TBX22: variants seen among roughly 807,000 people sequenced by gnomAD.
The protein encoded by TBX22 is T-box transcription factor 22.
In TBX22, 8 loss-of-function variants were observed where a neutral mutation model predicts 30.1. The ratio of observed to expected loss-of-function variants is 0.27; its 90% CI spans 0.16 to 0.48. The LOEUF (loss-of-function observed/expected upper bound fraction) is 0.48, where lower values mean the gene tolerates loss of function less well. TBX22 is among the 20% of genes least tolerant of loss of function. The pLI, the probability that TBX22 is intolerant of heterozygous loss-of-function variation, is 0.99. For missense variants in TBX22, 463 were observed against 400.5 expected, an observed-to-expected ratio of 1.16 and a Z score of -1.33; for synonymous variants, 173 against 149.1, an observed-to-expected ratio of 1.16 and a Z score of -1.17.
In TBX22 at chrX:80,025,681, C is replaced by T. The variant is rs755560775; in HGVS notation, c.537C>T (p.His179=). 3 of 1,206,767 alleles carry T rather than the reference C, an allele frequency of 2.5e-6. No individual in the cohort carries two copies. Among genetic ancestry groups the T allele is most frequent in the African/African-American group, 3.5e-5 (2 of 57,012 alleles). ...GCATCATTCCTAGATTCTATGTTCA[C>T]CCGGACTCACCCTGCTCGGGAGAGA... The part of the protein sequence containing the change: ...HLCIIPRFYV[H]PDSPCSGETW... Residue 179 remains histidine, a synonymous_variant, in exon 5 of 9, where the codon CAC becomes CAT. Coordinates refer to ENST00000373296, the MANE Select transcript of TBX22 (RefSeq NM_001109878.2).
At chrX:80,016,396 G>C (rs932963786) in intron 1 of TBX22, among the ~76,000 whole-genome samples, 1 of 111,695 alleles carries the variant, frequency 9.0e-6, no homozygotes, top group Non-Finnish European at 1.9e-5. Context: ...ACTGATCTGA[G>C]AACTGAGTGG....
chrX:80,022,148 TG>T lies in TBX22; in HGVS notation c.-2-119del, dbSNP rs1302388597. On this transcript the variant is annotated intron_variant, in intron 1 of 8. Transcript: ENST00000373296. ...TTTGGGGTTTTGTTTTGTTTTGTTTTGTTTTTCCCGCTTTCCCTCCTTCCTT... is the reference window on the plus strand; with the variant it reads ...TTTGGGGTTTTGTTTTGTTTTGTTTTTTTTTCCCGCTTTCCCTCCTTCCTT... 92 of 687,507 alleles carry T rather than the reference TG, an allele frequency of 1.3e-4. 2 individuals carry two copies. The African/African-American group carries it at 1.4e-3, about 11-fold the overall frequency. 56.7% of individuals were successfully genotyped at this position (687,507 alleles called of 1,213,427 possible). A position where few individuals can be genotyped will look rare whatever the true frequency, so the allele number is the denominator to read the frequency against.
At chrX:80,027,192 C>A in intron 6 of TBX22, 64 bp from the exon 7 acceptor site, 1 of 634,688 alleles carries the variant, frequency 1.6e-6, no homozygotes, top group Non-Finnish European at 2.7e-6. Flanking sequence ...CCACTATAAG[C>A]AATGGCAACA....
chrX:80,017,527 A>T (rs1923507596), intron 1 of TBX22, among the ~76,000 whole-genome samples: 1 of 111,032 alleles, frequency 9.0e-6, no homozygotes, highest in Admixed American at 9.6e-5. Context: ...ATTTATAATT[A>T]TTTATTATTT....
chrX:80,022,164 C>T, intron 1 of TBX22, 104 bp from the exon 2 acceptor site: 7 of 785,779 alleles, frequency 8.9e-6, no homozygotes, highest in Non-Finnish European at 1.3e-5. Context: ...TCCCGCTTTC[C>T]CTCCTTCCTT....
chrX:80,024,096 A>G lies in TBX22; in HGVS notation c.390A>G (p.Lys130=). Residue 130 remains lysine (K), a synonymous_variant, in exon 4 of 9, where the codon AAA becomes AAG. Coordinates refer to ENST00000373296, the MANE Select transcript of TBX22 (RefSeq NM_001109878.2). ...RMFPSVRVKV[K]GLDPGKQYHV... is the part of the protein sequence containing the mutation. ...TCCCCTCTGTTCGGGTCAAGGTGAA[A>G]GGGTTGGATCCAGGGAAGCAGTACC... is the stretch of plus-strand genomic sequence containing the variant. 1 of 1,211,192 alleles carries G rather than the reference A, an allele frequency of 8.3e-7. No homozygotes were observed. The highest frequency in any genetic ancestry group is 1.7e-5 in the African/African-American group (1 of 57,576).
intron 3 of TBX22, 62 bp from the exon 4 acceptor site, chrX:80,024,001 A>T: frequency 9.2e-7 from 1 of 1,082,191 alleles, no homozygotes. Context: ...TTGTCCAGAA[A>T]CACTCCCTCT....
At position 80,028,196 on chromosome X, in the gene TBX22, G is replaced by T. The variant is rs1924074840; in HGVS notation, c.949+120G>T. Reference sequence around the variant, plus strand: ...ACATGCAAGAAAATGTGTACTTATGGGTAACTGCGTGTACATTTGCCTGAA... The same window carrying T: ...ACATGCAAGAAAATGTGTACTTATGTGTAACTGCGTGTACATTTGCCTGAA... On this transcript the variant is annotated intron_variant, in intron 8 of 8. Coordinates refer to ENST00000373296, the MANE Select transcript of TBX22 (RefSeq NM_001109878.2). 11 of 593,804 alleles carry T rather than the reference G, an allele frequency of 1.9e-5. No homozygotes were observed. The South Asian group carries it at 2.9e-4, about 16-fold the overall frequency. The allele number at this position is 593,804 out of a possible 1,213,427, so 48.9% of individuals were successfully genotyped here. A position where few individuals can be genotyped will look rare whatever the true frequency, so the allele number is the denominator to read the frequency against.
chrX:80,026,578 A>G, intron 5 of TBX22, 126 bp from the exon 6 acceptor site: 1 of 746,105 alleles, frequency 1.3e-6, no homozygotes, highest in Non-Finnish European at 2.1e-6. Flanking sequence ...AAATGGCACA[A>G]CAAAGTAGTT....
At position 80,031,210 on chromosome X, in the gene TBX22, TTACAA is replaced by T. The variant is rs1264509109; in HGVS notation, c.*104_*108del. 1.3e-6 allele frequency: 1 copy of T among 771,241 alleles called. No individual in the cohort carries two copies. The highest frequency in any genetic ancestry group is 2.1e-5 in the African/African-American group (1 of 47,663). The allele number at this position is 771,241 out of a possible 1,213,427, so 63.6% of individuals were successfully genotyped here. A position where few individuals can be genotyped will look rare whatever the true frequency, so the allele number is the denominator to read the frequency against. ...CAGTTATTGGGCTTAAAAAGCATCA[TTACAA>T]TACAGTATTTCTTTGTTATACATTT... On this transcript the variant is annotated 3_prime_UTR_variant, in exon 9 of 9. Transcript: ENST00000373296.
Position 80,026,794 on chromosome X carries a change from C to A in TBX22, c.724C>A (p.Pro242Thr), listed in dbSNP as rs765976780. 4.1e-6 allele frequency: 5 copies of A among 1,210,647 alleles called. No homozygotes were observed. In the Admixed American group the frequency reaches 6.5e-5, roughly 16 times the overall value. ...TGACCTGTCCCAGATTCAGTCCTTG[C>A]CCACTGAAGGTGTTAAAACATTCTC... The part of the protein sequence containing the change: ...SVDLSQIQSL[P>T]TEGVKTFSFK... Residue 242 changes from proline to threonine, a missense_variant, in exon 6 of 9, where the codon CCC becomes ACC. Physicochemically the swap from Pro to Thr is conservative, Grantham distance 38 (BLOSUM62 -1). Coordinates refer to ENST00000373296, the MANE Select transcript of TBX22 (RefSeq NM_001109878.2).
In TBX22 at chrX:80,025,928, A is replaced by G. The variant is rs560252054; in HGVS notation, c.633+151A>G. 69 of 489,852 alleles carry G rather than the reference A, an allele frequency of 1.4e-4. No individual in the cohort carries two copies. The East Asian group carries it at 2.4e-3, about 17-fold the overall frequency. The allele number at this position is 489,852 out of a possible 1,213,427, so 40.4% of individuals were successfully genotyped here. A position where few individuals can be genotyped will look rare whatever the true frequency, so the allele number is the denominator to read the frequency against. ...CCCTGCACCTGTAAGTAAAGTAGCTAACCTAGGGCTCCTGAAACGTTTGTT... is the reference window on the plus strand; with the variant it reads ...CCCTGCACCTGTAAGTAAAGTAGCTGACCTAGGGCTCCTGAAACGTTTGTT... On this transcript the variant is annotated intron_variant, in intron 5 of 8. Coordinates refer to ENST00000373296, the MANE Select transcript of TBX22 (RefSeq NM_001109878.2).
chrX:80,025,766 G>A lies in TBX22; in HGVS notation c.622G>A (p.Asp208Asn), dbSNP rs911732619. The change falls in exon 5 of 9, where the codon GAC becomes AAC. Residue 208 changes from aspartate (D) to asparagine (N), a missense_variant. Coordinates refer to ENST00000373296, the MANE Select transcript of TBX22 (RefSeq NM_001109878.2). Reference protein sequence around the residue: ...RMKLTNNEMDDKGHIILQSMH... With the variant: ...RMKLTNNEMDNKGHIILQSMH... Reference sequence around the variant, plus strand: ...GAAACTCACCAACAATGAGATGGATGACAAAGGCCACGTACGTGAGCACAA... The same window carrying A: ...GAAACTCACCAACAATGAGATGGATAACAAAGGCCACGTACGTGAGCACAA... 8.3e-7 allele frequency: 1 copy of A among 1,205,637 alleles called. No individual in the cohort carries two copies. The highest frequency in any genetic ancestry group is 2.3e-4 in the Middle Eastern group (1 of 4,325).
chrX:80,017,284 G>T (rs911663165), intron 1 of TBX22, among the ~76,000 whole-genome samples: 3 of 65,273 alleles, frequency 4.6e-5, no homozygotes, highest in African/African-American at 1.0e-4. Flanking sequence ...TTGTTTTTGT[G>T]TGTGTGTGTG....
At chrX:80,022,853 G>A (rs1923785465) in intron 2 of TBX22, among the ~76,000 whole-genome samples, 2 of 108,769 alleles carry the variant, frequency 1.8e-5, no homozygotes, top group South Asian at 8.2e-4. Context: ...GTGGGCGGGG[G>A]GTAGGTGTCG....
Position 80,024,065 on chromosome X carries a change from G to A in TBX22, c.359G>A (p.Arg120Gln), listed in dbSNP as rs1385589233. 7.4e-6 allele frequency: 9 copies of A among 1,208,364 alleles called. No homozygotes were observed. The highest frequency in any genetic ancestry group is 3.0e-5 in the East Asian group (1 of 33,722). ...TEMIITKAGR[R>Q]MFPSVRVKVK... ...AGTCCTTATTTTCTTTCTTACAGGC[G>A]GATGTTCCCCTCTGTTCGGGTCAAG... is the stretch of plus-strand genomic sequence containing the variant. The change falls in exon 4 of 9, where the codon CGG becomes CAG. Residue 120 changes from arginine (R) to glutamine (Q), a missense_variant and splice_region_variant. Physicochemically the swap from Arg to Gln is conservative, Grantham distance 43 (BLOSUM62 1). Transcript: ENST00000373296.
chrX:80,024,606 A>G (rs1923883578), intron 4 of TBX22, among the ~76,000 whole-genome samples: 1 of 111,772 alleles, frequency 8.9e-6, no homozygotes, highest in Non-Finnish European at 1.9e-5. Context: ...CTTTGGCAGC[A>G]GGAGGCCAGA....
In TBX22 at chrX:80,031,090, A is replaced by T; in HGVS notation, c.1542A>T (p.Pro514=). ...AATGTAATCATGTTCATTGGTATCC[A>T]GCAATTAACCATTACCTTTAGTAAG... The part of the protein sequence containing the change: ...EGKCNHVHWY[P]AINHYL The change falls in exon 9 of 9, where the codon CCA becomes CCT. Residue 514 remains proline (P), a synonymous_variant. Transcript: ENST00000373296. 1 of 1,209,630 alleles carries T rather than the reference A, an allele frequency of 8.3e-7. No individual in the cohort carries two copies. The highest frequency in any genetic ancestry group is 1.8e-5 in the South Asian group (1 of 56,967).
At chrX:80,017,776 G>A (rs181681762) in intron 1 of TBX22, among the ~76,000 whole-genome samples, 6,440 of 111,556 alleles carry the variant, frequency 0.058, 345 homozygotes, top group East Asian at 0.47. Context: ...TTAATTCAGT[G>A]AAGAAATAAG....
Sources: allele counts gnomAD v4.1 joint callset (sites outside exome capture counted in the v4.1 genomes callset), GRCh38; gene constraint gnomAD v4.1.1; transcripts MANE v1.5; gene names NCBI Gene and HGNC (gene_info 2026-07-23, HGNC 2026-07-21).